Variants in ASXL2 observed in about 807,000 individuals in gnomAD.
ASXL2 encodes the protein ASXL transcriptional regulator 2.
ASXL2 carries 23 observed loss-of-function variants against 122.0 expected under a neutral mutation model. The observed-to-expected ratio is 0.19, with a 90% confidence interval of 0.14 to 0.27. The LOEUF is 0.27. Ranked by LOEUF, ASXL2 falls within the 10% of genes least tolerant of loss-of-function variation. ASXL2 has a pLI of 1.00. For synonymous variants in ASXL2, 650 were observed against 637.0 expected (o/e 1.02, Z -0.31); for missense variants, 1,518 against 1,713.8 (o/e 0.89, Z 2.02).
At position 25,767,590 on chromosome 2, in the gene ASXL2, G is replaced by A; in HGVS notation, c.768C>T (p.Leu256=). The change falls in exon 8 of 13, where the codon CTC becomes CTT. Residue 256 remains leucine, a synonymous_variant. Transcript: ENST00000435504. ...GKKSFQRSER[L]HTRQMKRTKC... is the part of the protein sequence containing the mutation. ...CTTTGTAAGCAAACTTACTGGTATGGAGTCTCTCAGATCTCTGGAATGACT... is the reference window on the plus strand; with the variant it reads ...CTTTGTAAGCAAACTTACTGGTATGAAGTCTCTCAGATCTCTGGAATGACT... 9 of 1,613,674 alleles carry A rather than the reference G, an allele frequency of 5.6e-6. No homozygotes were observed. Among genetic ancestry groups the A allele is most frequent in the Non-Finnish European group, 7.6e-6 (9 of 1,179,714 alleles).
chr2:25,780,647 T>G (rs2088619295), intron 5 of ASXL2, among the ~76,000 whole-genome samples: 1 of 152,248 alleles, frequency 6.6e-6, no homozygotes, highest in Non-Finnish European at 1.5e-5. Flanking sequence ...AGAATCATTG[T>G]TCTTAATCTC....
intron 4 of ASXL2, among the ~76,000 whole-genome samples, chr2:25,802,562 C>A (rs1310963984): frequency 6.6e-6 from 1 of 152,166 alleles, no homozygotes; most frequent in African/African-American, 2.4e-5. Flanking sequence ...GTAAAAGGAG[C>A]ATCTGACACA....
chr2:25,811,247 T>C (rs564254412), intron 3 of ASXL2, among the ~76,000 whole-genome samples: 3 of 151,800 alleles, frequency 2.0e-5, no homozygotes, highest in South Asian at 2.1e-4. Context: ...AGTGAGACCA[T>C]GGCTTAAAAA....
chr2:25,756,165 C>T, intron 9 of ASXL2, 51 bp from the exon 10 acceptor site: 2 of 1,189,554 alleles, frequency 1.7e-6, no homozygotes, highest in East Asian at 2.6e-5. Context: ...TGAAAGGTAT[C>T]ACGTCGTATT....
chr2:25,847,605 T>C (rs1013417856), intron 1 of ASXL2, among the ~76,000 whole-genome samples: 1 of 152,184 alleles, frequency 6.6e-6, no homozygotes, highest in Non-Finnish European at 1.5e-5. Context: ...TTAAGGCCCA[T>C]ACAGAAAACT....
At chr2:25,845,989 T>C (rs1398505166) in intron 1 of ASXL2, among the ~76,000 whole-genome samples, 3 of 152,178 alleles carry the variant, frequency 2.0e-5, no homozygotes, top group South Asian at 2.1e-4. Flanking sequence ...CCGAAAATGG[T>C]AGCAGGTGGC....
intron 3 of ASXL2, among the ~76,000 whole-genome samples, chr2:25,810,996 G>A (rs1207079896): frequency 6.6e-6 from 1 of 151,436 alleles, no homozygotes; most frequent in Non-Finnish European, 1.5e-5. Flanking sequence ...GGAGGCTGAG[G>A]CGGGTGGATC....
chr2:25,821,193 CAA>C (rs1182372256), intron 3 of ASXL2, among the ~76,000 whole-genome samples: 1 of 151,504 alleles, frequency 6.6e-6, no homozygotes, highest in African/African-American at 2.4e-5. Flanking sequence ...AAGAAAAAAT[CAA>C]AAAAATAAAT....
intron 3 of ASXL2, among the ~76,000 whole-genome samples, chr2:25,821,603 G>A (rs2089312113): frequency 6.6e-6 from 1 of 152,144 alleles, no homozygotes; most frequent in Non-Finnish European, 1.5e-5. Context: ...GTTGAAACAT[G>A]AGCCACTGCC....
chr2:25,783,199 G>A (rs2088675795), intron 5 of ASXL2, among the ~76,000 whole-genome samples: 1 of 152,094 alleles, frequency 6.6e-6, no homozygotes, highest in African/African-American at 2.4e-5. Context: ...TGGGTACAGT[G>A]TTCTTTTGAA....
intron 8 of ASXL2, among the ~76,000 whole-genome samples, chr2:25,762,651 C>T (rs574095165): frequency 1.3e-4 from 14 of 108,456 alleles, no homozygotes; most frequent in South Asian, 9.7e-4. Flanking sequence ...GGTGACAGAG[C>T]GAGACTCTTT....
rs10579555 is a variant in ASXL2, at chr2:25,744,935, CCACACACACACACACA to C, written c.1861-475_1861-460del. ...GGGAAAATACTTGCTCTTCTCTGTT[CCACACACACACACACA>C]CACACACACACACACACACACACAC... On this transcript the variant is annotated intron_variant, in intron 12 of 12. Transcript: ENST00000435504. This position sits in a 1 kb window ranked among gnomAD's most constrained non-coding sequence, Gnocchi z 4.7. 4.8e-3 allele frequency among the ~76,000 whole-genome samples: 664 copies of C among 138,336 alleles called. 5 individuals carry two copies. The highest frequency in any genetic ancestry group is 0.014 in the African/African-American group (514 of 36,810). The allele number at this position is 138,336 out of a possible 152,430, so 90.8% of individuals were successfully genotyped here.
intron 1 of ASXL2, among the ~76,000 whole-genome samples, chr2:25,871,034 AAC>A (rs1405776906): frequency 6.6e-6 from 1 of 152,212 alleles, no homozygotes; most frequent in Non-Finnish European, 1.5e-5. Flanking sequence ...TAAAGCAAGT[AAC>A]AGTTTTTAAA....
intron 5 of ASXL2, among the ~76,000 whole-genome samples, chr2:25,793,901 C>T (rs766143447): frequency 3.9e-5 from 6 of 152,164 alleles, no homozygotes; most frequent in Non-Finnish European, 7.3e-5. Context: ...ATCCAAAGCC[C>T]TAACAGTGTA....
intron 1 of ASXL2, among the ~76,000 whole-genome samples, chr2:25,877,567 C>A (rs373165723): frequency 2.0e-5 from 3 of 151,954 alleles, no homozygotes; most frequent in Non-Finnish European, 2.9e-5. Flanking sequence ...AAAAAAAATT[C>A]TACAAGTCCC....
At chr2:25,826,424 T>G (rs189784987) in intron 3 of ASXL2, among the ~76,000 whole-genome samples, 1 of 152,312 alleles carries the variant, frequency 6.6e-6, no homozygotes, top group East Asian at 1.9e-4. Flanking sequence ...GCTTGTACCG[T>G]CCATCCTTAA....
chr2:25,870,014 T>C (rs1219941209), intron 1 of ASXL2, among the ~76,000 whole-genome samples: 3 of 151,878 alleles, frequency 2.0e-5, no homozygotes, highest in African/African-American at 4.8e-5. Flanking sequence ...AGGTGGACGA[T>C]AGCTTAAGCC....
chr2:25,848,405 A>G (rs1249004357), intron 1 of ASXL2, among the ~76,000 whole-genome samples: 4 of 151,552 alleles, frequency 2.6e-5, no homozygotes, highest in Non-Finnish European at 4.4e-5. Flanking sequence ...GGTGGATCAC[A>G]AGGTCAGGAG....
rs2090026834 is a variant in ASXL2 at position 25,878,244 on chromosome 2, G to C, written c.-22C>G. 6.8e-6 allele frequency: 11 copies of C among 1,613,200 alleles called. No homozygotes were observed. In the South Asian group the frequency reaches 1.2e-4, roughly 18 times the overall value. ...TCATGTCGGGTCTTGAACTGACTGG[G>C]AGGCTCCCGTGTCCGGGCTCCGGCC... On this transcript the variant is annotated 5_prime_UTR_variant, in exon 1 of 13. Coordinates refer to ENST00000435504, the MANE Select transcript of ASXL2 (RefSeq NM_018263.6).
Sources: allele counts gnomAD v4.1 joint callset (sites outside exome capture counted in the v4.1 genomes callset), GRCh38; gene constraint gnomAD v4.1.1; non-coding constraint Gnocchi (gnomAD v3.1); transcripts MANE v1.5; gene names NCBI Gene and HGNC (gene_info 2026-07-23, HGNC 2026-07-21).